Variants in BCR observed in about 807,000 individuals in gnomAD.
BCR encodes breakpoint cluster region protein.
BCR carries 58 observed loss-of-function variants against 138.6 expected under a neutral mutation model. The observed-to-expected ratio is 0.42, with a 90% CI of 0.34 to 0.52. BCR has a LOEUF of 0.52. Among genes scored for constraint, BCR ranks in the 20% least tolerant of loss-of-function variants. The pLI is 0.06. For missense variants in BCR, 1,599 were observed against 1,727.2 expected, an observed-to-expected ratio of 0.93 and a Z score of 1.32; for synonymous variants, 786 against 730.1, an observed-to-expected ratio of 1.08 and a Z score of -1.23.
At chr22:23,223,290 G>A (rs1294726321) in intron 1 of BCR, among the ~76,000 whole-genome samples, 1 of 152,056 alleles carries the variant, frequency 6.6e-6, no homozygotes, top group South Asian at 2.1e-4. Context: ...GTGTGAGCAT[G>A]TGTGAGTATT....
intron 1 of BCR, among the ~76,000 whole-genome samples, chr22:23,213,063 G>A (rs927689438): frequency 9.2e-5 from 14 of 152,182 alleles, no homozygotes; most frequent in Admixed American, 9.2e-4. Flanking sequence ...TGCTCCTGGG[G>A]ACGTACCACA....
chr22:23,299,331 T>C (rs2073879263), intron 16 of BCR, among the ~76,000 whole-genome samples: 1 of 152,208 alleles, frequency 6.6e-6, no homozygotes, highest in Non-Finnish European at 1.5e-5. Context: ...TGGGCGCCTC[T>C]GCCACATGGA....
intron 1 of BCR, chr22:23,242,797 C>A (rs761330709): frequency 4.5e-6 from 2 of 449,000 alleles, no homozygotes; most frequent in East Asian, 1.4e-4. Flanking sequence ...CTTACAACAA[C>A]AAACATTTAT....
chr22:23,260,878 C>T, intron 2 of BCR, 72 bp from the exon 3 acceptor site: 1 of 1,408,418 alleles, frequency 7.1e-7, no homozygotes, highest in Non-Finnish European at 1.0e-6. Flanking sequence ...TGGCCCTCCT[C>T]TCTCAGAGGG....
intron 8 of BCR, among the ~76,000 whole-genome samples, chr22:23,279,021 T>G (rs56363600): frequency 0.036 from 5,444 of 152,332 alleles, 149 homozygotes; most frequent in African/African-American, 0.063. Flanking sequence ...GCTTACCTCT[T>G]AGCTGTTTCT....
intron 1 of BCR, among the ~76,000 whole-genome samples, chr22:23,197,381 G>A (rs190330864): frequency 8.4e-4 from 128 of 152,284 alleles, no homozygotes; most frequent in East Asian, 6.6e-3. Context: ...AGCAAGGTAT[G>A]GCTTTATCTA....
chr22:23,278,794 G>T (rs2073608702), intron 8 of BCR, among the ~76,000 whole-genome samples: 1 of 152,188 alleles, frequency 6.6e-6, no homozygotes, highest in African/African-American at 2.4e-5. Context: ...GTTTGCAAGG[G>T]GTGCTACGGA....
intron 4 of BCR, chr22:23,263,653 G>A (rs913722743): frequency 1.6e-5 from 23 of 1,455,904 alleles, no homozygotes; most frequent in Non-Finnish European, 2.2e-5. Context: ...TGTCAGTGCA[G>A]GAGGAGATGG....
chr22:23,200,493 T>G (rs959992654), intron 1 of BCR, among the ~76,000 whole-genome samples: 1 of 151,716 alleles, frequency 6.6e-6, no homozygotes, highest in Non-Finnish European at 1.5e-5. Context: ...ATTTTTAAAT[T>G]TTTTGTAGAG....
chr22:23,267,863 T>A (rs1317403446), intron 4 of BCR, among the ~76,000 whole-genome samples: 1 of 152,220 alleles, frequency 6.6e-6, no homozygotes, highest in Non-Finnish European at 1.5e-5. Context: ...GTGTGTAGCA[T>A]GACACCTGAG....
chr22:23,266,105 GA>G (rs2146281910), intron 4 of BCR, among the ~76,000 whole-genome samples: 1 of 151,506 alleles, frequency 6.6e-6, no homozygotes, highest in Admixed American at 6.6e-5. Flanking sequence ...TTTTCCTTGA[GA>G]TAGAGTCTCA....
intron 10 of BCR, among the ~76,000 whole-genome samples, chr22:23,285,989 A>G (rs998987995): frequency 1.3e-5 from 2 of 152,178 alleles, no homozygotes; most frequent in African/African-American, 4.8e-5. Flanking sequence ...TGAGCTGTTC[A>G]AGTGTGTGGT....
At chr22:23,214,340 C>T (rs2072724080) in intron 1 of BCR, among the ~76,000 whole-genome samples, 1 of 152,050 alleles carries the variant, frequency 6.6e-6, no homozygotes, top group Admixed American at 6.5e-5. Context: ...TAGATCCCTT[C>T]TTTGCCAATG....
At chr22:23,281,451 C>G (rs574493230) in intron 8 of BCR, among the ~76,000 whole-genome samples, 1 of 152,214 alleles carries the variant, frequency 6.6e-6, no homozygotes, top group African/African-American at 2.4e-5. Flanking sequence ...GTCCTGTACT[C>G]CAGGCCGGGG....
intron 1 of BCR, among the ~76,000 whole-genome samples, chr22:23,252,113 C>T (rs1286441446): frequency 2.0e-5 from 3 of 152,210 alleles, no homozygotes; most frequent in Non-Finnish European, 2.9e-5. Context: ...ACTCTGTCCT[C>T]CTGCGGGTAC....
chr22:23,234,184 C>G (rs886245057), intron 1 of BCR, among the ~76,000 whole-genome samples: 9 of 152,170 alleles, frequency 5.9e-5, no homozygotes, highest in Non-Finnish European at 1.3e-4. Context: ...AGGAGGGGAG[C>G]TTGCCTTGAG....
chr22:23,223,033 A>C (rs1023523957), intron 1 of BCR, among the ~76,000 whole-genome samples: 2 of 152,156 alleles, frequency 1.3e-5, no homozygotes, highest in African/African-American at 4.8e-5. Context: ...AGGGCCAAAG[A>C]AGCTCTCTTG....
rs1237227694 is a variant in BCR, at chr22:23,309,465, C to T, written c.3054C>T (p.Thr1018=). Residue 1018 remains threonine (T), a synonymous_variant, in exon 17 of 23, where the codon ACC becomes ACT. Transcript: ENST00000305877. ...TGCAGGACAGAGACTGGCAGCGCAC[C>T]GTCATCGCCATGAATGGGGTACGTG... ...QALQDRDWQR[T]VIAMNGIEVK... The T allele has an allele frequency of 5.6e-6, 9 of 1,603,398 alleles. No individual in the cohort carries two copies. The highest frequency in any genetic ancestry group is 1.3e-5 in the African/African-American group (1 of 74,794).
chr22:23,281,895 C>T (rs1214677068), intron 8 of BCR, among the ~76,000 whole-genome samples: 1 of 152,200 alleles, frequency 6.6e-6, no homozygotes, highest in Admixed American at 6.5e-5. Context: ...CGAGGGTGCC[C>T]CTTAGGTGGG....
Sources: gnomAD v4.1 joint callset for allele counts (sites outside exome capture counted in the v4.1 genomes callset) on GRCh38, gnomAD v4.1.1 for gene constraint, MANE v1.5 for transcripts, NCBI Gene and HGNC (gene_info 2026-07-23, HGNC 2026-07-21) for gene names.